Variants in TULP1 observed in about 807,000 individuals in gnomAD.
The protein encoded by TULP1 is TUB like protein 1, also known as tubby-related protein 1.
Under a neutral mutation model 67.1 loss-of-function variants are expected in TULP1, and 50 were observed. The ratio of observed to expected loss-of-function variants is 0.75; its 90% CI spans 0.59 to 0.94. TULP1 has a LOEUF of 0.94. Ranked by LOEUF, TULP1 falls within the 40% of genes least tolerant of loss-of-function variation. The pLI is 0.00. For missense variants in TULP1, 746 were observed against 734.1 expected (o/e 1.02, Z -0.19); for synonymous variants, 297 against 294.0 (o/e 1.01, Z -0.11).
chr6:35,511,565 C>G, intron 4 of TULP1, 83 bp downstream of exon 4: 3 of 1,548,082 alleles, frequency 1.9e-6, no homozygotes, highest in Non-Finnish European at 1.7e-6. Flanking sequence ...TTTTCTGCCT[C>G]TCTGGGCCGT....
In TULP1 at chr6:35,512,097, G is replaced by A. The variant is rs545809489; in HGVS notation, c.190+83C>T. 5 of 780,764 alleles carry A rather than the reference G, an allele frequency of 6.4e-6. No homozygotes were observed. The South Asian group carries it at 1.8e-4, about 28-fold the overall frequency. The allele number at this position is 780,764 out of a possible 1,614,324, so 48.4% of individuals were successfully genotyped here. ...CCTCCCCCACCCCGTTCCAGGGCTC[G>A]GCGACACCCGCGCCGGCCCTCAAGC... On this transcript the variant is annotated intron_variant, in intron 3 of 14. Coordinates refer to ENST00000229771, the MANE Select transcript of TULP1 (RefSeq NM_003322.6).
chr6:35,506,411 T>A lies in TULP1; in HGVS notation c.823-132A>T, dbSNP rs569742278. ...AGGAGGCTCTGGGGAGCTCTGTGAT[T>A]TATTTTGATTCTGCTTAGCTTGTGG... On this transcript the variant is annotated intron_variant, in intron 8 of 14. Transcript: ENST00000229771. 1,874 of 1,132,988 alleles carry A rather than the reference T, an allele frequency of 1.7e-3. 8 individuals carry two copies. Among genetic ancestry groups the A allele is most frequent in the Non-Finnish European group, 2.2e-3 (1,706 of 769,764 alleles). 70.2% of individuals were successfully genotyped at this position (1,132,988 alleles called of 1,614,324 possible).
chr6:35,509,853 G>A lies in TULP1; in HGVS notation c.575C>T (p.Thr192Ile), dbSNP rs138133926. The change falls in exon 6 of 15, where the codon ACC becomes ATC. Residue 192 changes from threonine (T) to isoleucine (I), a missense_variant. Coordinates refer to ENST00000229771, the MANE Select transcript of TULP1 (RefSeq NM_003322.6). The part of the protein sequence containing the change: ...RNKEAPAGEG[T>I]KMRKTKKKGS... ...TTTCTTCTTGGTCTTTCTCATCTTG[G>A]TCCCCTCCCCTGCTGGAGCTTCCTT... 119 of 1,613,878 alleles carry A rather than the reference G, an allele frequency of 7.4e-5. No individual in the cohort carries two copies. The African/African-American group carries it at 1.5e-3, about 20-fold the overall frequency.
intron 3 of TULP1, 119 bp downstream of exon 3, chr6:35,512,061 C>A (rs1761218617): frequency 2.0e-6 from 1 of 501,028 alleles, no homozygotes; most frequent in Non-Finnish European, 3.3e-6. Context: ...TCTCATCACT[C>A]CCCGCCCCCT....
Position 35,512,286 on chromosome 6 carries a change from C to A in TULP1, c.100-16G>T. On this transcript the variant is annotated splice_polypyrimidine_tract_variant and intron_variant, in intron 2 of 14. Transcript: ENST00000229771. Reference sequence around the variant, plus strand: ...GGGCGGGTCGCTGCGGAACGGGGGTCAAGAGGAGGTCGAGGAAGGAAAGGG... The same window carrying A: ...GGGCGGGTCGCTGCGGAACGGGGGTAAAGAGGAGGTCGAGGAAGGAAAGGG... 7.3e-7 allele frequency: 1 copy of A among 1,367,156 alleles called. No individual in the cohort carries two copies. Among genetic ancestry groups the A allele is most frequent in the East Asian group, 2.6e-5 (1 of 37,858 alleles). The allele number at this position is 1,367,156 out of a possible 1,614,324, so 84.7% of individuals were successfully genotyped here.
rs1761009498 is a variant in TULP1 at position 35,503,433 on chromosome 6, G to A, written c.1323+126C>T. 1.0e-6 allele frequency: 1 copy of A among 985,480 alleles called. No homozygotes were observed. Among genetic ancestry groups the A allele is most frequent in the African/African-American group, 1.6e-5 (1 of 62,038 alleles). 61.0% of individuals were successfully genotyped at this position (985,480 alleles called of 1,614,324 possible). On this transcript the variant is annotated intron_variant, in intron 13 of 14. Transcript: ENST00000229771. This position sits in a 1 kb window ranked among gnomAD's most constrained non-coding sequence, Gnocchi z 4.0. ...ACAAAAAGCCCAAGTCCATTCCCTA[G>A]GTGGCCAGAATGAATTTGTGTTGGA...
rs1297688906 is a variant in TULP1, at chr6:35,511,898, C to G, written c.191-92G>C. 10 of 1,365,726 alleles carry G rather than the reference C, an allele frequency of 7.3e-6. No homozygotes were observed. The East Asian group carries it at 2.0e-4, about 27-fold the overall frequency. The allele number at this position is 1,365,726 out of a possible 1,614,324, so 84.6% of individuals were successfully genotyped here. On this transcript the variant is annotated intron_variant, in intron 3 of 14. Coordinates refer to ENST00000229771, the MANE Select transcript of TULP1 (RefSeq NM_003322.6). ...CTACCCCCAAGCCTGGGCGCACCCC[C>G]TCGGGCTCCTCACCCTAGGGATCTC...
chr6:35,506,241 C>T (rs1391602153), intron 9 of TULP1, 33 bp downstream of exon 9: 2 of 1,605,226 alleles, frequency 1.2e-6, no homozygotes, highest in South Asian at 2.2e-5. Flanking sequence ...GGTCCCAGTG[C>T]TGAGACACGG....
intron 1 of TULP1, 40 bp from the exon 2 acceptor site, chr6:35,512,730 T>G (rs1761236995): frequency 6.3e-7 from 1 of 1,587,816 alleles, no homozygotes; most frequent in South Asian, 1.1e-5. Flanking sequence ...CCCTTCCCCT[T>G]CCCTCCCCAT....
At chr6:35,505,398 T>C in intron 11 of TULP1, 1 of 407,686 alleles carries the variant, frequency 2.5e-6, no homozygotes, top group Non-Finnish European at 4.7e-6. Flanking sequence ...GAGTAGCTAA[T>C]ATGTGTTCAG....
At position 35,505,685 on chromosome 6, in the gene TULP1, G is replaced by C. The variant is rs765644369; in HGVS notation, c.1112+56C>G. 4 of 1,603,364 alleles carry C rather than the reference G, an allele frequency of 2.5e-6. No individual in the cohort carries two copies. The East Asian group carries it at 6.7e-5, about 27-fold the overall frequency. On this transcript the variant is annotated intron_variant, in intron 11 of 14. Transcript: ENST00000229771. ...CCAGGCACAGCAGGACAGAGATGAC[G>C]GGCTATGGCCTTTTGCTGACCCAAG...
intron 13 of TULP1, among the ~76,000 whole-genome samples, chr6:35,501,955 A>G (rs1760975441): frequency 2.0e-5 from 3 of 151,974 alleles, no homozygotes; most frequent in Admixed American, 2.0e-4. Flanking sequence ...CCCCAGCCAC[A>G]CTGGTCACCT....
In TULP1 at chr6:35,509,730, C is replaced by T. The variant is rs1255797840; in HGVS notation, c.622G>A (p.Asp208Asn). 1.2e-6 allele frequency: 2 copies of T among 1,613,966 alleles called. No individual in the cohort carries two copies. The highest frequency in any genetic ancestry group is 2.7e-5 in the African/African-American group (2 of 74,896). Residue 208 changes from aspartate to asparagine, a missense_variant, in exon 7 of 15, where the codon GAC (aspartate) becomes AAC (asparagine). Physicochemically the swap from Asp to Asn is conservative, Grantham distance 23 (BLOSUM62 1). Around this residue, in one of 3 missense-constraint regions of TULP1, gnomAD observed 359 missense variants for 341.9 expected, o/e 1.05. Coordinates refer to ENST00000229771, the MANE Select transcript of TULP1 (RefSeq NM_003322.6). ...KKKGSGEADK[D>N]PSGSPASARK... ...GCACTGGCTGGGCTCCCTGAGGGGTCCTTGTCGGCCTCCCCAGACCCTGCA... is the reference window on the plus strand; with the variant it reads ...GCACTGGCTGGGCTCCCTGAGGGGTTCTTGTCGGCCTCCCCAGACCCTGCA...
Position 35,503,987 on chromosome 6 carries a change from G to A in TULP1, c.1113-139C>T, listed in dbSNP as rs1761028343. 1 of 654,312 alleles carries A rather than the reference G, an allele frequency of 1.5e-6. No homozygotes were observed. The highest frequency in any genetic ancestry group is 1.8e-5 in the South Asian group (1 of 55,894). The allele number at this position is 654,312 out of a possible 1,614,324, so 40.5% of individuals were successfully genotyped here. A position where few individuals can be genotyped will look rare whatever the true frequency, so the allele number is the denominator to read the frequency against. ...TAGGACTGAGCAATTCATGTCCCCT[G>A]CCCCAGGCTTCCCCCTATGCAGAGG... On this transcript the variant is annotated intron_variant, in intron 11 of 14. Coordinates refer to ENST00000229771, the MANE Select transcript of TULP1 (RefSeq NM_003322.6). The surrounding 1 kb of genome is among the most constrained non-coding windows in gnomAD (Gnocchi z 4.0).
Position 35,502,976 on chromosome 6 carries a change from C to T in TULP1, c.1323+583G>A, listed in dbSNP as rs576950048. Among the ~76,000 whole-genome samples the T allele has an allele frequency of 7.3e-5, 11 of 151,284 alleles. No individual in the cohort carries two copies. In the South Asian group the frequency reaches 1.9e-3, roughly 26 times the overall value. On this transcript the variant is annotated intron_variant, in intron 13 of 14. Coordinates refer to ENST00000229771, the MANE Select transcript of TULP1 (RefSeq NM_003322.6). ...TTTATGAGATGGAGTCTTGCTCTGTCGCCCAGGCTGGAGTGCAGTGGCACC... is the reference window on the plus strand; with the variant it reads ...TTTATGAGATGGAGTCTTGCTCTGTTGCCCAGGCTGGAGTGCAGTGGCACC...
rs765597804 is a variant in TULP1 at position 35,503,635 on chromosome 6, C to A, written c.1247G>T (p.Arg416Leu). Residue 416 changes from arginine to leucine, a missense_variant, in exon 13 of 15, where the codon CGT becomes CTT. Physicochemically the swap from Arg to Leu is moderately radical, Grantham distance 102 (BLOSUM62 -2). Coordinates refer to ENST00000229771, the MANE Select transcript of TULP1 (RefSeq NM_003322.6). This position sits in a 1 kb window ranked among gnomAD's most constrained non-coding sequence, Gnocchi z 4.0. ...VIYETNVLGFRGPRRMTVIIP... is the reference protein window; with the variant it reads ...VIYETNVLGFLGPRRMTVIIP... Reference sequence around the variant, plus strand: ...GATGACGGTCATGCGCCGGGGGCCACGGAAGCCCAGCACGTTGGTTTCCTG... The same window carrying A: ...GATGACGGTCATGCGCCGGGGGCCAAGGAAGCCCAGCACGTTGGTTTCCTG... 1.9e-6 allele frequency: 3 copies of A among 1,599,864 alleles called. No homozygotes were observed. Among genetic ancestry groups the A allele is most frequent in the Non-Finnish European group, 2.6e-6 (3 of 1,173,412 alleles).
chr6:35,499,974 T>C lies in TULP1; in HGVS notation c.1495+7A>G. ...GAAGAGCCAGACCTGGGCCCTCAGG[T>C]ACTCACGGTCATCAGCGTGGACAAT... On this transcript the variant is annotated splice_region_variant and intron_variant, in intron 14 of 14. Coordinates refer to ENST00000229771, the MANE Select transcript of TULP1 (RefSeq NM_003322.6). 6.2e-7 allele frequency: 1 copy of C among 1,613,842 alleles called. No homozygotes were observed. The highest frequency in any genetic ancestry group is 8.5e-7 in the Non-Finnish European group (1 of 1,179,984).
chr6:35,512,249 G>T lies in TULP1; in HGVS notation c.121C>A (p.Leu41Ile). 7.1e-7 allele frequency: 1 copy of T among 1,401,108 alleles called. No homozygotes were observed. Among genetic ancestry groups the T allele is most frequent in the Non-Finnish European group, 9.3e-7 (1 of 1,077,328 alleles). 86.8% of individuals were successfully genotyped at this position (1,401,108 alleles called of 1,614,324 possible). A position where few individuals can be genotyped will look rare whatever the true frequency, so the allele number is the denominator to read the frequency against. ...GGGGCCTCCGTCCTCTTCTTCCTTA[G>T]CCTCTGTGCCGGGGCGGGTCGCTGC... ...PKQRPAPAQR[L>I]RKKRTEAPES... The change falls in exon 3 of 15, where the codon CTA becomes ATA. Residue 41 changes from leucine (L) to isoleucine (I), a missense_variant. Leu to Ile is a conservative substitution (Grantham distance 5). Coordinates refer to ENST00000229771, the MANE Select transcript of TULP1 (RefSeq NM_003322.6).
In TULP1 at chr6:35,499,255, G is replaced by C. The variant is rs147007741; in HGVS notation, c.1495+726C>G. Among the ~76,000 whole-genome samples the C allele has an allele frequency of 6.1e-4, 93 of 152,312 alleles. No homozygotes were observed. In the East Asian group the frequency reaches 0.014, roughly 22 times the overall value. ...CCAGGGTAGTCCTTTGACCTCACTT[G>C]AGAGAAGACACAGAGTAGGCACTCA... On this transcript the variant is annotated intron_variant, in intron 14 of 14. Transcript: ENST00000229771.
Sources: gnomAD v4.1 joint callset for allele counts (sites outside exome capture counted in the v4.1 genomes callset) on GRCh38, gnomAD v4.1.1 for gene constraint, gnomAD v4.1.1 regional missense constraint, Gnocchi (gnomAD v3.1) non-coding constraint, MANE v1.5 for transcripts, NCBI Gene and HGNC (gene_info 2026-07-23, HGNC 2026-07-21) for gene names.